The following MAP3K2 variants were observed in gnomAD, a reference collection of about 807,000 sequenced individuals.
The protein encoded by MAP3K2 is mitogen-activated protein kinase kinase kinase 2.
A neutral mutation model predicts 80.3 loss-of-function variants in MAP3K2; 24 were observed. The observed-to-expected ratio is 0.30, with a 90% confidence interval of 0.22 to 0.42. The LOEUF is 0.42. Ranked by LOEUF, MAP3K2 falls within the 10% of genes least tolerant of loss-of-function variation. The pLI is 1.00. For synonymous variants in MAP3K2, 244 were observed against 253.7 expected, an observed-to-expected ratio of 0.96 and a Z score of 0.36; for missense variants, 608 against 750.1, an observed-to-expected ratio of 0.81 and a Z score of 2.21.
intron 1 of MAP3K2, among the ~76,000 whole-genome samples, chr2:127,372,531 C>T (rs1393355203): frequency 3.3e-5 from 5 of 152,146 alleles, no homozygotes; most frequent in East Asian, 1.9e-4. Flanking sequence ...ATTGGGGAAG[C>T]GCACACAGCC....
At chr2:127,376,889 C>T (rs1470052124) in intron 1 of MAP3K2, among the ~76,000 whole-genome samples, 1 of 151,948 alleles carries the variant, frequency 6.6e-6, no homozygotes, top group South Asian at 2.1e-4. Flanking sequence ...AATACAGAGA[C>T]CCTACCTCTA....
At chr2:127,377,333 GGCAATTATAAAA>G (rs966428240) in intron 1 of MAP3K2, among the ~76,000 whole-genome samples, 10 of 150,540 alleles carry the variant, frequency 6.6e-5, no homozygotes, top group South Asian at 2.1e-4. Context: ...AAAAAATGTG[GGCAATTATAAAA>G]GCAATTATAA....
intron 1 of MAP3K2, among the ~76,000 whole-genome samples, chr2:127,345,344 A>C (rs1405622489): frequency 1.3e-5 from 2 of 152,264 alleles, no homozygotes; most frequent in African/African-American, 4.8e-5. Flanking sequence ...TTATAAACTT[A>C]TATGTACCTA....
chr2:127,307,838 A>G lies in MAP3K2; in HGVS notation c.1635-34T>C. The G allele has an allele frequency of 7.0e-7, 1 of 1,424,700 alleles. No individual in the cohort carries two copies. The highest frequency in any genetic ancestry group is 1.4e-5 in the African/African-American group (1 of 70,632). The allele number at this position is 1,424,700 out of a possible 1,614,324, so 88.3% of individuals were successfully genotyped here. On this transcript the variant is annotated intron_variant, in intron 16 of 16. Coordinates refer to ENST00000682094, the MANE Select transcript of MAP3K2 (RefSeq NM_001371910.2). The surrounding 1 kb of genome is among the most constrained non-coding windows in gnomAD (Gnocchi z 5.4). ...AAACAAAAAGAAATACATTACACAA[A>G]CAACAACATGAAAGAAAGCTAGTTA... is the stretch of plus-strand genomic sequence containing the variant.
chr2:127,304,550 G>A lies in MAP3K2; in HGVS notation c.*3029C>T, dbSNP rs1055680268. The A allele has an allele frequency of 6.6e-6, 1 of 152,458 alleles. No homozygotes were observed. The highest frequency in any genetic ancestry group is 1.5e-5 in the Non-Finnish European group (1 of 68,014). The allele number at this position is 152,458 out of a possible 1,614,324, so 9.4% of individuals were successfully genotyped here. On this transcript the variant is annotated 3_prime_UTR_variant, in exon 17 of 17. Transcript: ENST00000682094. ...GCAGAATGCATTTTAAAGGCACAAAGTCAGCAGTCTGACCATTTTCCAGCG... is the reference window on the plus strand; with the variant it reads ...GCAGAATGCATTTTAAAGGCACAAAATCAGCAGTCTGACCATTTTCCAGCG...
chr2:127,362,855 A>G (rs915949220), intron 1 of MAP3K2, among the ~76,000 whole-genome samples: 1 of 152,240 alleles, frequency 6.6e-6, no homozygotes, highest in South Asian at 2.1e-4. Context: ...AACATTTATT[A>G]GGTTCAGAAT....
intron 7 of MAP3K2, among the ~76,000 whole-genome samples, chr2:127,327,368 T>G (rs993611148): frequency 2.6e-5 from 4 of 152,164 alleles, no homozygotes; most frequent in African/African-American, 9.7e-5. Context: ...GCAAAATTAT[T>G]ACCAAGACAT....
intron 5 of MAP3K2, among the ~76,000 whole-genome samples, chr2:127,331,435 G>GTA (rs1686253498): frequency 6.6e-6 from 1 of 152,162 alleles, no homozygotes; most frequent in African/African-American, 2.4e-5. Flanking sequence ...GGTCTCTACA[G>GTA]TATAAATTCT....
chr2:127,328,229 C>T (rs960216430), intron 7 of MAP3K2, among the ~76,000 whole-genome samples: 14 of 152,050 alleles, frequency 9.2e-5, no homozygotes, highest in African/African-American at 3.1e-4. Context: ...TAGCTGAGAC[C>T]GCGCCACTGT....
chr2:127,316,249 C>G (rs534126867), intron 14 of MAP3K2, among the ~76,000 whole-genome samples: 7 of 152,132 alleles, frequency 4.6e-5, no homozygotes, highest in South Asian at 2.1e-4. Context: ...TGGCATGCAC[C>G]TGTAATCCCA....
intron 14 of MAP3K2, among the ~76,000 whole-genome samples, chr2:127,317,422 T>C (rs1481547583): frequency 1.3e-5 from 2 of 152,186 alleles, no homozygotes; most frequent in Non-Finnish European, 2.9e-5. Context: ...GTCTGTAACC[T>C]ACTTGAGAAT....
At chr2:127,362,430 T>C (rs1686907485) in intron 1 of MAP3K2, among the ~76,000 whole-genome samples, 1 of 152,270 alleles carries the variant, frequency 6.6e-6, no homozygotes, top group South Asian at 2.1e-4. Flanking sequence ...ACTTAGGGGT[T>C]TCCCCCACCC....
At chr2:127,308,222 T>C (rs1022520831) in intron 16 of MAP3K2, among the ~76,000 whole-genome samples, 1 of 152,212 alleles carries the variant, frequency 6.6e-6, no homozygotes, top group Non-Finnish European at 1.5e-5. Flanking sequence ...CTTAAAATTA[T>C]AAAAGAATTA....
At position 127,339,852 on chromosome 2, in the gene MAP3K2, T is replaced by C. The variant is rs1488210033; in HGVS notation, c.5-802A>G. Among the ~76,000 whole-genome samples the C allele has an allele frequency of 1.3e-5, 2 of 152,342 alleles. No homozygotes were observed. The highest frequency in any genetic ancestry group is 1.5e-5 in the Non-Finnish European group (1 of 68,030). On this transcript the variant is annotated intron_variant, in intron 2 of 16. Coordinates refer to ENST00000682094, the MANE Select transcript of MAP3K2 (RefSeq NM_001371910.2). The surrounding 1 kb of genome is among the most constrained non-coding windows in gnomAD (Gnocchi z 4.2). ...ACTAGTAAATCAATTCTACTAATGA[T>C]AATCACAAATGATAAATAAAGGAAT...
chr2:127,302,458 CACACAT>C lies in MAP3K2; in HGVS notation c.*5115_*5120del, dbSNP rs61525571. ...AACTCTAACCACACACACACACACA[CACACAT>C]GCATGCAAACGCACACATACATGCA... On this transcript the variant is annotated 3_prime_UTR_variant, in exon 17 of 17. Transcript: ENST00000682094. The C allele has an allele frequency of 0.062, 9,466 of 152,128 alleles. 382 individuals carry two copies. The highest frequency in any genetic ancestry group is 0.11 in the African/African-American group (4,647 of 41,484). The allele number at this position is 152,128 out of a possible 1,614,324, so 9.4% of individuals were successfully genotyped here. A position where few individuals can be genotyped will look rare whatever the true frequency, so the allele number is the denominator to read the frequency against.
At chr2:127,370,369 G>A (rs557016075) in intron 1 of MAP3K2, among the ~76,000 whole-genome samples, 20 of 152,292 alleles carry the variant, frequency 1.3e-4, no homozygotes, top group East Asian at 5.8e-4. Context: ...GGTCGGACCC[G>A]GAAGGTAGAG....
In MAP3K2 at chr2:127,378,843, T is replaced by C. The variant is rs1052181156; in HGVS notation, c.-66+8609A>G. Among the ~76,000 whole-genome samples the C allele has an allele frequency of 5.9e-5, 9 of 152,292 alleles. No homozygotes were observed. The South Asian group carries it at 1.9e-3, about 32-fold the overall frequency. On this transcript the variant is annotated intron_variant, in intron 1 of 16. Coordinates refer to ENST00000682094, the MANE Select transcript of MAP3K2 (RefSeq NM_001371910.2). ...AAGCAGCGGCATGATCACTCCTCACTGTAGCCTGGACCTCCTGGGCTCAAG... is the reference window on the plus strand; with the variant it reads ...AAGCAGCGGCATGATCACTCCTCACCGTAGCCTGGACCTCCTGGGCTCAAG...
chr2:127,329,942 T>C lies in MAP3K2; in HGVS notation c.445A>G (p.Lys149Glu). ...TTACCTATTATAGATAGCCGTTTTT[T>C]CCTCTCTGCTCCAAATACTGTATTA... The part of the protein sequence containing the change: ...LDNTVFGAER[K>E]KRLSIIGPTS... Residue 149 changes from lysine to glutamate, a missense_variant, in exon 7 of 17, where the codon AAA becomes GAA. Physicochemically the swap from Lys to Glu is moderately conservative, Grantham distance 56 (BLOSUM62 1). This residue lies in a region of MAP3K2 where 467 missense variants were observed against 521.9 expected (regional missense o/e 0.89). Transcript: ENST00000682094. The C allele has an allele frequency of 6.2e-7, 1 of 1,605,292 alleles. No homozygotes were observed. Among genetic ancestry groups the C allele is most frequent in the Admixed American group, 1.7e-5 (1 of 59,858 alleles).
At chr2:127,368,345 G>T (rs961595395) in intron 1 of MAP3K2, among the ~76,000 whole-genome samples, 1 of 150,774 alleles carries the variant, frequency 6.6e-6, no homozygotes, top group East Asian at 2.0e-4. Flanking sequence ...TAAGGCGGTC[G>T]GGCATGGTGG....
Sources: allele counts gnomAD v4.1 joint callset (sites outside exome capture counted in the v4.1 genomes callset), GRCh38; gene constraint gnomAD v4.1.1; regional missense constraint gnomAD v4.1.1; non-coding constraint Gnocchi (gnomAD v3.1); transcripts MANE v1.5; gene names NCBI Gene and HGNC (gene_info 2026-07-23, HGNC 2026-07-21).